Variants in KIF6 observed in about 807,000 individuals in gnomAD.
The protein encoded by KIF6 is kinesin-like protein KIF6.
In KIF6, 106 loss-of-function variants were observed where a neutral mutation model predicts 112.7. That is an observed-to-expected ratio of 0.94 (90% CI 0.80 to 1.11). The LOEUF is 1.11. KIF6 is among the 50% of genes least tolerant of loss of function. The pLI, the probability that KIF6 is intolerant of heterozygous loss-of-function variation, is 0.00. For synonymous variants in KIF6, 339 were observed against 339.9 expected, an observed-to-expected ratio of 1.00 and a Z score of 0.03; for missense variants, 929 against 964.0, an observed-to-expected ratio of 0.96 and a Z score of 0.48.
At chr6:39,605,824 T>G (rs1782854441) in intron 6 of KIF6, among the ~76,000 whole-genome samples, 1 of 152,126 alleles carries the variant, frequency 6.6e-6, no homozygotes, top group African/African-American at 2.4e-5. Flanking sequence ...TAAGTCTCTT[T>G]CTTTAGCTTT....
chr6:39,599,293 G>A (rs1782452756), intron 6 of KIF6, among the ~76,000 whole-genome samples: 1 of 152,200 alleles, frequency 6.6e-6, no homozygotes, highest in Non-Finnish European at 1.5e-5. Context: ...TGCAAAATGA[G>A]ATTTAAACAA....
chr6:39,358,854 C>G (rs892784358), intron 18 of KIF6, among the ~76,000 whole-genome samples: 2 of 152,218 alleles, frequency 1.3e-5, no homozygotes, highest in Non-Finnish European at 2.9e-5. Context: ...TATCACCTGA[C>G]AGTTGGTGTA....
intron 13 of KIF6, 146 bp downstream of exon 13, chr6:39,539,857 G>C (rs1778687740): frequency 1.6e-6 from 1 of 641,342 alleles, no homozygotes; most frequent in Non-Finnish European, 2.6e-6. Context: ...TTGGGAAAGT[G>C]GTATTTAATT....
chr6:39,615,162 G>C (rs1416433955), intron 5 of KIF6, among the ~76,000 whole-genome samples: 2 of 150,502 alleles, frequency 1.3e-5, no homozygotes, highest in African/African-American at 2.5e-5. Flanking sequence ...GACGGAGCGA[G>C]GCCTTTTCTA....
chr6:39,672,115 G>A (rs1201431151), intron 3 of KIF6, among the ~76,000 whole-genome samples: 1 of 152,196 alleles, frequency 6.6e-6, no homozygotes, highest in Non-Finnish European at 1.5e-5. Flanking sequence ...GATGTTTGGT[G>A]ATAGTTCTGT....
chr6:39,539,973 T>G, intron 13 of KIF6, 30 bp downstream of exon 13: 451 of 1,518,778 alleles, frequency 3.0e-4, no homozygotes, highest in Non-Finnish European at 3.7e-4. Context: ...TTACAGACAA[T>G]GAGAAATACT....
At chr6:39,506,369 C>A (rs755889205) in intron 13 of KIF6, among the ~76,000 whole-genome samples, 1 of 151,748 alleles carries the variant, frequency 6.6e-6, no homozygotes, top group Non-Finnish European at 1.5e-5. Flanking sequence ...GGGTTGGGCA[C>A]GAGGGGAGGG....
chr6:39,535,340 T>C (rs919424670), intron 13 of KIF6, among the ~76,000 whole-genome samples: 3 of 151,944 alleles, frequency 2.0e-5, no homozygotes, highest in African/African-American at 2.4e-5. Flanking sequence ...GAGACACACA[T>C]AGGCTCAAAA....
At chr6:39,344,445 AC>A (rs548924716) in intron 21 of KIF6, among the ~76,000 whole-genome samples, 125 of 152,288 alleles carry the variant, frequency 8.2e-4, no homozygotes, top group African/African-American at 2.9e-3. Flanking sequence ...CCCATGACCT[AC>A]CAGGCTGTGT....
At chr6:39,662,794 T>C (rs1275478896) in intron 3 of KIF6, among the ~76,000 whole-genome samples, 1 of 152,180 alleles carries the variant, frequency 6.6e-6, no homozygotes, top group Non-Finnish European at 1.5e-5. Context: ...CGTACCCCAA[T>C]GTCTTCAGAG....
At chr6:39,455,978 T>G (rs544630627) in intron 13 of KIF6, among the ~76,000 whole-genome samples, 17 of 88,378 alleles carry the variant, frequency 1.9e-4, no homozygotes, top group South Asian at 1.5e-3. Context: ...TTCCCCAATC[T>G]AGCAAGGCAG....
chr6:39,613,349 A>T, intron 5 of KIF6, 31 bp from the exon 6 acceptor site: 1 of 1,534,708 alleles, frequency 6.5e-7, no homozygotes, highest in Non-Finnish European at 8.7e-7. Context: ...AAAACAAGGT[A>T]CTGCTGAGAA....
Position 39,485,428 on chromosome 6 carries a change from C to T in KIF6, c.1646-54267G>A, listed in dbSNP as rs531411025. Among the ~76,000 whole-genome samples the T allele has an allele frequency of 2.0e-5, 3 of 152,206 alleles. No homozygotes were observed. In the South Asian group the frequency reaches 6.2e-4, roughly 32 times the overall value. Reference sequence around the variant, plus strand: ...CTTCACAGCACTCATGATGTATTTGCTTCTTTGATTGCTAACCATCTTACC... The same window carrying T: ...CTTCACAGCACTCATGATGTATTTGTTTCTTTGATTGCTAACCATCTTACC... On this transcript the variant is annotated intron_variant, in intron 13 of 22. Coordinates refer to ENST00000287152, the MANE Select transcript of KIF6 (RefSeq NM_145027.6).
chr6:39,621,408 C>T (rs1264143220), intron 5 of KIF6, among the ~76,000 whole-genome samples: 1 of 152,194 alleles, frequency 6.6e-6, no homozygotes, highest in Non-Finnish European at 1.5e-5. Flanking sequence ...GTGGAATGGA[C>T]AAACCTGGGC....
At chr6:39,533,925 C>T (rs563931409) in intron 13 of KIF6, among the ~76,000 whole-genome samples, 1 of 152,302 alleles carries the variant, frequency 6.6e-6, no homozygotes, top group East Asian at 1.9e-4. Context: ...GTTCTGCAGC[C>T]ACCGCTACTG....
intron 10 of KIF6, among the ~76,000 whole-genome samples, chr6:39,557,624 G>GA (rs556194707): frequency 1.1e-4 from 16 of 151,748 alleles, no homozygotes; most frequent in African/African-American, 3.4e-4. Context: ...TTGTTTTCCA[G>GA]AAAAAAATAC....
intron 13 of KIF6, among the ~76,000 whole-genome samples, chr6:39,460,184 C>CG (rs1773370664): frequency 7.3e-6 from 1 of 136,950 alleles, no homozygotes; most frequent in South Asian, 2.6e-4. Flanking sequence ...CCATGGAATA[C>CG]TATGCAGCCA....
Position 39,696,267 on chromosome 6 carries a change from C to A in KIF6, c.251+18425G>T, listed in dbSNP as rs146360394. 2.0e-3 allele frequency among the ~76,000 whole-genome samples: 310 copies of A among 152,248 alleles called. 1 individual carries two copies. The highest frequency in any genetic ancestry group is 7.0e-3 in the African/African-American group (292 of 41,540). ...CACGTAATATACCCATGTTATACAC[C>A]CGCACATGTACCCCTGAATCTAAAA... On this transcript the variant is annotated intron_variant, in intron 3 of 22. Transcript: ENST00000287152.
chr6:39,511,507 G>C (rs1776776693), intron 13 of KIF6, among the ~76,000 whole-genome samples: 1 of 152,192 alleles, frequency 6.6e-6, no homozygotes, highest in South Asian at 2.1e-4. Context: ...GTTCAAATTA[G>C]TTCAACCATT....
Sources: gnomAD v4.1 joint callset for allele counts (sites outside exome capture counted in the v4.1 genomes callset) on GRCh38, gnomAD v4.1.1 for gene constraint, MANE v1.5 for transcripts, NCBI Gene and HGNC (gene_info 2026-07-23, HGNC 2026-07-21) for gene names.